Variants in KHDRBS3 observed in about 807,000 individuals in gnomAD.
The protein encoded by KHDRBS3 is KH RNA binding domain containing, signal transduction associated 3.
A neutral mutation model predicts 45.6 loss-of-function variants in KHDRBS3; 23 were observed. The observed-to-expected ratio is 0.50, with a 90% confidence interval of 0.36 to 0.72. The LOEUF (loss-of-function observed/expected upper bound fraction) is 0.72, where lower values mean the gene tolerates loss of function less well. Among genes scored for constraint, KHDRBS3 ranks in the 30% least tolerant of loss-of-function variants. The probability of loss-of-function intolerance (pLI) is 0.00; values close to 1 mark genes in which losing one functional copy is unlikely to be tolerated. For missense variants in KHDRBS3, 352 were observed against 424.8 expected (o/e 0.83, Z 1.51); for synonymous variants, 162 against 156.5 (o/e 1.04, Z -0.26).
At chr8:135,596,782 G>A (rs1286147110) in intron 6 of KHDRBS3, among the ~76,000 whole-genome samples, 2 of 152,182 alleles carry the variant, frequency 1.3e-5, no homozygotes, top group African/African-American at 4.8e-5. Flanking sequence ...GATGGGTTCA[G>A]TAGCAGATTA....
chr8:135,523,728 C>G (rs1825034675), intron 2 of KHDRBS3, among the ~76,000 whole-genome samples: 2 of 152,070 alleles, frequency 1.3e-5, no homozygotes, highest in South Asian at 4.2e-4. Context: ...ATATTAGTTA[C>G]AGGTTTTTTT....
chr8:135,475,974 G>A (rs1413094952), intron 1 of KHDRBS3, among the ~76,000 whole-genome samples: 1 of 152,148 alleles, frequency 6.6e-6, no homozygotes, highest in Non-Finnish European at 1.5e-5. Context: ...GCCTTATGGA[G>A]TTACTTTGTC....
chr8:135,623,528 T>C (rs1586820755), intron 7 of KHDRBS3, among the ~76,000 whole-genome samples: 1 of 152,184 alleles, frequency 6.6e-6, no homozygotes, highest in East Asian at 1.9e-4. Context: ...TTGTTGGTAT[T>C]TATTTTTTTA....
intron 6 of KHDRBS3, among the ~76,000 whole-genome samples, chr8:135,591,831 G>A (rs1182785905): frequency 3.3e-5 from 5 of 152,096 alleles, no homozygotes; most frequent in Non-Finnish European, 7.4e-5. Context: ...TTATAGAGAC[G>A]GGAGTTGTAC....
intron 6 of KHDRBS3, among the ~76,000 whole-genome samples, chr8:135,597,397 C>G (rs1829018776): frequency 6.6e-6 from 1 of 152,166 alleles, no homozygotes; most frequent in Non-Finnish European, 1.5e-5. Context: ...CAGCACCCCT[C>G]TACCTCATGG....
chr8:135,500,552 T>A (rs1479298946), intron 1 of KHDRBS3, among the ~76,000 whole-genome samples: 1 of 152,156 alleles, frequency 6.6e-6, no homozygotes, highest in African/African-American at 2.4e-5. Flanking sequence ...ACTATGGGCC[T>A]TGGCTGGGCT....
chr8:135,634,401 A>T (rs1233699865), intron 7 of KHDRBS3, among the ~76,000 whole-genome samples: 1 of 152,188 alleles, frequency 6.6e-6, no homozygotes. Context: ...TTGTAAGCTG[A>T]TAGGATTGCT....
intron 4 of KHDRBS3, among the ~76,000 whole-genome samples, chr8:135,554,090 T>C (rs928742257): frequency 1.3e-5 from 2 of 152,166 alleles, no homozygotes; most frequent in Non-Finnish European, 2.9e-5. Flanking sequence ...GCTGTTAAGT[T>C]CAGGTGGTTA....
intron 1 of KHDRBS3, among the ~76,000 whole-genome samples, chr8:135,465,447 A>G (rs1435500376): frequency 6.6e-6 from 1 of 152,196 alleles, no homozygotes; most frequent in Non-Finnish European, 1.5e-5. Flanking sequence ...TTCTTAGGGT[A>G]ATTTTATGTT....
intron 3 of KHDRBS3, among the ~76,000 whole-genome samples, chr8:135,545,167 CAT>C (rs987982519): frequency 9.2e-5 from 14 of 152,120 alleles, no homozygotes; most frequent in African/African-American, 2.9e-4. Flanking sequence ...TAGGAAATAT[CAT>C]AGTTACTGTA....
intron 6 of KHDRBS3, among the ~76,000 whole-genome samples, chr8:135,587,852 A>T (rs1828552416): frequency 6.6e-6 from 1 of 151,958 alleles, no homozygotes; most frequent in Non-Finnish European, 1.5e-5. Flanking sequence ...CCCCCCTAAC[A>T]CTCAGTATGG....
At chr8:135,536,922 T>C (rs927335192) in intron 2 of KHDRBS3, among the ~76,000 whole-genome samples, 6 of 125,682 alleles carry the variant, frequency 4.8e-5, no homozygotes, top group Non-Finnish European at 7.8e-5. Context: ...ATTGCGCCAC[T>C]GCAGTCCGCA....
intron 1 of KHDRBS3, among the ~76,000 whole-genome samples, chr8:135,467,047 A>G (rs1444495952): frequency 6.6e-6 from 1 of 152,210 alleles, no homozygotes; most frequent in East Asian, 1.9e-4. Context: ...CATTTCCCTG[A>G]TGTGGTTATT....
At chr8:135,518,489 A>G (rs988390827) in intron 1 of KHDRBS3, among the ~76,000 whole-genome samples, 8 of 152,264 alleles carry the variant, frequency 5.3e-5, no homozygotes, top group Middle Eastern at 3.4e-3. Flanking sequence ...TACTTTGTCA[A>G]TTGAAAAGGA....
intron 4 of KHDRBS3, among the ~76,000 whole-genome samples, chr8:135,655,101 A>G (rs1159996779): frequency 6.6e-6 from 1 of 152,234 alleles, no homozygotes; most frequent in East Asian, 1.9e-4. Context: ...CATTCAGCAC[A>G]AGCCATTCAA....
chr8:135,525,399 A>G (rs547493743), intron 2 of KHDRBS3, among the ~76,000 whole-genome samples: 45 of 152,204 alleles, frequency 3.0e-4, no homozygotes, highest in Admixed American at 6.5e-5. Context: ...TTTCAGCACT[A>G]TGGTTTTCTC....
intron 4 of KHDRBS3, chr8:135,549,991 G>A (rs1470379311): frequency 6.6e-6 from 1 of 152,044 alleles, no homozygotes; most frequent in African/African-American, 2.4e-5. Flanking sequence ...AATTTCTAAG[G>A]GCTTACTATG....
At position 135,542,785 on chromosome 8, in the gene KHDRBS3, A is replaced by G. The variant is rs1826106567; in HGVS notation, c.324+15A>G. ...ACAAGGCCAAGGTAATATTAATTATAGAAAACGGCTAAGTTGTGTATCATG... is the reference window on the plus strand; with the variant it reads ...ACAAGGCCAAGGTAATATTAATTATGGAAAACGGCTAAGTTGTGTATCATG... On this transcript the variant is annotated intron_variant, in intron 3 of 8. Transcript: ENST00000355849. 6.6e-7 allele frequency: 1 copy of G among 1,508,942 alleles called. No individual in the cohort carries two copies. Among genetic ancestry groups the G allele is most frequent in the Non-Finnish European group, 9.2e-7 (1 of 1,086,064 alleles). 93.5% of individuals were successfully genotyped at this position (1,508,942 alleles called of 1,614,324 possible).
chr8:135,507,857 C>T (rs1469896225), intron 1 of KHDRBS3, among the ~76,000 whole-genome samples: 1 of 152,166 alleles, frequency 6.6e-6, no homozygotes, highest in Non-Finnish European at 1.5e-5. Context: ...GATTTTTCAT[C>T]AGTGTCTTAA....
Sources: allele counts gnomAD v4.1 joint callset (sites outside exome capture counted in the v4.1 genomes callset), GRCh38; gene constraint gnomAD v4.1.1; transcripts MANE v1.5; gene names NCBI Gene and HGNC (gene_info 2026-07-23, HGNC 2026-07-21).